Variants in PPP2R3C observed in about 807,000 individuals in gnomAD.
PPP2R3C encodes serine/threonine-protein phosphatase 2A regulatory subunit B'' subunit gamma.
Under a neutral mutation model 63.7 loss-of-function variants are expected in PPP2R3C, and 47 were observed. The observed-to-expected ratio is 0.74, with a 90% CI of 0.58 to 0.94. PPP2R3C has a LOEUF of 0.94. PPP2R3C is among the 40% of genes least tolerant of loss of function. The probability of loss-of-function intolerance (pLI) is 0.00; values close to 1 mark genes in which losing one functional copy is unlikely to be tolerated. For synonymous variants in PPP2R3C, 180 were observed against 177.4 expected (o/e 1.01, Z -0.12); for missense variants, 421 against 518.4 (o/e 0.81, Z 1.82).
intron 2 of PPP2R3C, among the ~76,000 whole-genome samples, chr14:35,113,312 G>T (rs1018352909): frequency 5.3e-5 from 8 of 152,104 alleles, no homozygotes; most frequent in Admixed American, 1.3e-4. Flanking sequence ...AGAGGAAGAA[G>T]AAAGAAGGGA....
chr14:35,114,179 T>TA (rs1007482277), intron 2 of PPP2R3C, among the ~76,000 whole-genome samples: 1 of 152,142 alleles, frequency 6.6e-6, no homozygotes, highest in African/African-American at 2.4e-5. Context: ...TAATCCCATT[T>TA]AAAAAAATAC....
At chr14:35,107,565 A>G in intron 5 of PPP2R3C, 191 bp from the exon 6 acceptor site, 1 of 558,334 alleles carries the variant, frequency 1.8e-6, no homozygotes, top group Non-Finnish European at 3.2e-6. Flanking sequence ...CTAAAGCTAT[A>G]ATAAAATTGA....
intron 1 of PPP2R3C, among the ~76,000 whole-genome samples, chr14:35,117,848 C>T (rs2046752695): frequency 6.6e-6 from 1 of 152,116 alleles, no homozygotes; most frequent in African/African-American, 2.4e-5. Flanking sequence ...GCATGTGCCA[C>T]CACGCCTGGC....
chr14:35,111,235 CAAAAAAAAA>C (rs3058398), intron 2 of PPP2R3C, among the ~76,000 whole-genome samples: 1 of 89,794 alleles, frequency 1.1e-5, no homozygotes, highest in African/African-American at 4.2e-5. Flanking sequence ...CTCCATCTAC[CAAAAAAAAA>C]AAAAAAAAAA....
At position 35,116,614 on chromosome 14, in the gene PPP2R3C, T is replaced by C; in HGVS notation, c.182A>G (p.Tyr61Cys). 1.9e-6 allele frequency: 3 copies of C among 1,589,258 alleles called. No homozygotes were observed. Among genetic ancestry groups the C allele is most frequent in the Non-Finnish European group, 2.6e-6 (3 of 1,167,496 alleles). ...ATTTGATTAGACACTACTTACCCTA[T>C]AATAAAACCGGGGAATGGTCTTATA... ...EFYKTIPRFYYRLPAEDEVLL... is the reference protein window; with the variant it reads ...EFYKTIPRFYCRLPAEDEVLL... Residue 61 changes from tyrosine to cysteine, a missense_variant, in exon 2 of 13, where the codon TAT (tyrosine) becomes TGT (cysteine). Physicochemically the swap from Tyr to Cys is radical, Grantham distance 194 (BLOSUM62 -2). Around this residue, in one of 3 missense-constraint regions of PPP2R3C, gnomAD observed 143 missense variants for 151.2 expected, o/e 0.95. Coordinates refer to ENST00000261475, the MANE Select transcript of PPP2R3C (RefSeq NM_017917.4).
intron 1 of PPP2R3C, among the ~76,000 whole-genome samples, chr14:35,118,427 C>T (rs1032881598): frequency 2.6e-5 from 4 of 152,186 alleles, no homozygotes; most frequent in African/African-American, 9.7e-5. Flanking sequence ...AGGAACCAGA[C>T]TTACGCAGGT....
Position 35,107,331 on chromosome 14 carries a change from G to T in PPP2R3C, c.546C>A (p.Val182=). 1 of 1,609,082 alleles carries T rather than the reference G, an allele frequency of 6.2e-7. No individual in the cohort carries two copies. The highest frequency in any genetic ancestry group is 8.5e-7 in the Non-Finnish European group (1 of 1,175,498). ...QTRIGLSLYD[V]AGQGYLRESD... is the part of the protein sequence containing the mutation. Reference sequence around the variant, plus strand: ...ATTCCCGAAGGTACCCCTGCCCAGCGACATCATATAAACTGAGTCCTATTC... The same window carrying T: ...ATTCCCGAAGGTACCCCTGCCCAGCTACATCATATAAACTGAGTCCTATTC... The change falls in exon 6 of 13, where the codon GTC becomes GTA. Residue 182 remains valine (V), a synonymous_variant. Transcript: ENST00000261475.
intron 1 of PPP2R3C, among the ~76,000 whole-genome samples, chr14:35,119,337 C>T (rs1459912435): frequency 7.5e-6 from 1 of 133,148 alleles, no homozygotes; most frequent in South Asian, 2.7e-4. Context: ...AGTGCCCAGC[C>T]CAAATGAATT....
intron 10 of PPP2R3C, among the ~76,000 whole-genome samples, chr14:35,094,483 A>ATTT (rs2045932343): frequency 6.7e-6 from 1 of 149,332 alleles, no homozygotes; most frequent in Non-Finnish European, 1.5e-5. Flanking sequence ...CTTTTTTTTA[A>ATTT]AAAAAAAAAA....
intron 3 of PPP2R3C, 118 bp from the exon 4 acceptor site, chr14:35,110,049 T>C: frequency 1.4e-6 from 1 of 695,374 alleles, no homozygotes; most frequent in South Asian, 2.0e-5. Context: ...AATATTAAGA[T>C]GAATCTCATG....
chr14:35,120,151 T>A (rs1403730800), intron 1 of PPP2R3C, among the ~76,000 whole-genome samples: 1 of 150,898 alleles, frequency 6.6e-6, no homozygotes, highest in East Asian at 2.0e-4. Flanking sequence ...AGTTCATCAT[T>A]TTAACAGTGA....
At chr14:35,086,065 T>C (rs1000275881) in intron 12 of PPP2R3C, 169 of 309,540 alleles carry the variant, frequency 5.5e-4, no homozygotes, top group African/African-American at 3.5e-3. Flanking sequence ...GTGCCTAATC[T>C]AGCTACATAG....
intron 2 of PPP2R3C, among the ~76,000 whole-genome samples, chr14:35,115,313 C>T (rs951376995): frequency 6.6e-6 from 1 of 151,592 alleles, no homozygotes; most frequent in African/African-American, 2.4e-5. Flanking sequence ...CAGGTGCGCA[C>T]CACCATGCCC....
chr14:35,099,579 C>A, intron 6 of PPP2R3C, 195 bp from the exon 7 acceptor site: 2 of 602,760 alleles, frequency 3.3e-6, no homozygotes, highest in Non-Finnish European at 5.1e-6. Flanking sequence ...GTAGTAAATT[C>A]TACATAGTTC....
intron 11 of PPP2R3C, among the ~76,000 whole-genome samples, chr14:35,089,697 G>A (rs1017941756): frequency 9.2e-5 from 14 of 151,470 alleles, no homozygotes; most frequent in Admixed American, 2.6e-4. Flanking sequence ...ACTCAGTCTC[G>A]CTCTGTTACC....
At chr14:35,095,275 T>G in intron 9 of PPP2R3C, 91 bp from the exon 10 acceptor site, 1 of 1,314,266 alleles carries the variant, frequency 7.6e-7, no homozygotes, top group Non-Finnish European at 1.1e-6. Flanking sequence ...TTGGTTAATA[T>G]TTTGATTTTC....
intron 1 of PPP2R3C, among the ~76,000 whole-genome samples, chr14:35,119,181 G>T (rs1818185964): frequency 6.6e-6 from 1 of 151,954 alleles, no homozygotes; most frequent in South Asian, 2.1e-4. Context: ...GGGATTACAG[G>T]TGTGCACCAC....
At position 35,091,202 on chromosome 14, in the gene PPP2R3C, A is replaced by C. The variant is rs1466519448; in HGVS notation, c.981T>G (p.Tyr327Ter). The C allele has an allele frequency of 6.2e-7, 1 of 1,607,534 alleles. No individual in the cohort carries two copies. Among genetic ancestry groups the C allele is most frequent in the East Asian group, 2.2e-5 (1 of 44,780 alleles). The change falls in exon 11 of 13, where the codon TAT becomes TAG. Residue 327 changes from tyrosine to a stop codon, truncating the protein, a stop_gained. Coordinates refer to ENST00000261475, the MANE Select transcript of PPP2R3C (RefSeq NM_017917.4). LOFTEE classifies it high-confidence loss of function. ...CAAGGACAAAGTCCAAGTAGGTCTT[A>C]TAGTCCTACAGAACAGAAAATAATG... ...ECLTYDGEMD[Y>*]KTYLDFVLAL...
At position 35,087,918 on chromosome 14, in the gene PPP2R3C, T is replaced by C. The variant is rs2045662524; in HGVS notation, c.1173+33A>G. 5 of 1,481,238 alleles carry C rather than the reference T, an allele frequency of 3.4e-6. No homozygotes were observed. The Admixed American group carries it at 5.1e-5, about 15-fold the overall frequency. The allele number at this position is 1,481,238 out of a possible 1,614,324, so 91.8% of individuals were successfully genotyped here. ...AATACAAATGACTATCTCATAATTATCTGGTAATACGTAAATTAAAGGAAA... is the reference window on the plus strand; with the variant it reads ...AATACAAATGACTATCTCATAATTACCTGGTAATACGTAAATTAAAGGAAA... On this transcript the variant is annotated intron_variant, in intron 12 of 12. Coordinates refer to ENST00000261475, the MANE Select transcript of PPP2R3C (RefSeq NM_017917.4).
Sources: gnomAD v4.1 joint callset for allele counts (sites outside exome capture counted in the v4.1 genomes callset) on GRCh38, gnomAD v4.1.1 for gene constraint, gnomAD v4.1.1 regional missense constraint, MANE v1.5 for transcripts, NCBI Gene and HGNC (gene_info 2026-07-23, HGNC 2026-07-21) for gene names.